CTNNB1: variants seen among roughly 807,000 people sequenced by gnomAD.
CTNNB1 encodes the protein catenin beta-1.
Under a neutral mutation model 82.5 loss-of-function variants are expected in CTNNB1, and 6 were observed. The ratio of observed to expected loss-of-function variants is 0.07; its 90% confidence interval spans 0.04 to 0.14. The LOEUF (loss-of-function observed/expected upper bound fraction) is 0.14, where lower values mean the gene tolerates loss of function less well. CTNNB1 is among the 10% of genes least tolerant of loss of function. The probability of loss-of-function intolerance (pLI) is 1.00; values close to 1 mark genes in which losing one functional copy is unlikely to be tolerated. For synonymous variants in CTNNB1, 312 were observed against 329.7 expected (o/e 0.95, Z 0.58); for missense variants, 529 against 980.4 (o/e 0.54, Z 6.15).
At chr3:41,211,320 C>T (rs2077780641) in intron 1 of CTNNB1, among the ~76,000 whole-genome samples, 1 of 152,126 alleles carries the variant, frequency 6.6e-6, no homozygotes, top group African/African-American at 2.4e-5. Flanking sequence ...TCTTCATATC[C>T]AAAAATATTA....
rs1216259171 is a variant in CTNNB1, at chr3:41,227,115, T to C, written c.937-93T>C. On this transcript the variant is annotated intron_variant, in intron 6 of 14. Transcript: ENST00000349496. ...GGTCCAATGGCAAGCTGGCTGAAAT[T>C]CTTGTATAATAAAATAGGTTGGTAA... 4 of 1,130,174 alleles carry C rather than the reference T, an allele frequency of 3.5e-6. No individual in the cohort carries two copies. The East Asian group carries it at 7.1e-5, about 20-fold the overall frequency. The allele number at this position is 1,130,174 out of a possible 1,614,324, so 70.0% of individuals were successfully genotyped here.
At chr3:41,209,664 T>G (rs1420101098) in intron 1 of CTNNB1, among the ~76,000 whole-genome samples, 1 of 152,212 alleles carries the variant, frequency 6.6e-6, no homozygotes, top group Non-Finnish European at 1.5e-5. Context: ...GGCTATATGG[T>G]GTGGCCAATT....
chr3:41,233,447 A>G lies in CTNNB1; in HGVS notation c.1185+3A>G, dbSNP rs772630556. The G allele has an allele frequency of 3.7e-6, 6 of 1,614,166 alleles. No individual in the cohort carries two copies. The highest frequency in any genetic ancestry group is 5.1e-6 in the Non-Finnish European group (6 of 1,179,986). ...TTTCAGATGCTGCAACTAAACAGGTAAATTCTGAGTAAACTGGTGCCATGG... is the reference window on the plus strand; with the variant it reads ...TTTCAGATGCTGCAACTAAACAGGTGAATTCTGAGTAAACTGGTGCCATGG... On this transcript the variant is annotated splice_donor_region_variant and intron_variant, in intron 8 of 14. Transcript: ENST00000349496.
At position 41,239,583 on chromosome 3, in the gene CTNNB1, G is replaced by T; in HGVS notation, c.*241G>T. On this transcript the variant is annotated 3_prime_UTR_variant, in exon 15 of 15. Coordinates refer to ENST00000349496, the MANE Select transcript of CTNNB1 (RefSeq NM_001904.4). Reference sequence around the variant, plus strand: ...ATTAACTTTAATGTTTTTTGCCACAGCTTTTGCAACTTAATACTCAAATGA... The same window carrying T: ...ATTAACTTTAATGTTTTTTGCCACATCTTTTGCAACTTAATACTCAAATGA... The T allele has an allele frequency of 1.8e-6, 1 of 554,598 alleles. No individual in the cohort carries two copies. Among genetic ancestry groups the T allele is most frequent in the Non-Finnish European group, 3.2e-6 (1 of 308,400 alleles). 34.4% of individuals were successfully genotyped at this position (554,598 alleles called of 1,614,324 possible). A position where few individuals can be genotyped will look rare whatever the true frequency, so the allele number is the denominator to read the frequency against.
chr3:41,209,025 A>G (rs952575346), intron 1 of CTNNB1, among the ~76,000 whole-genome samples: 3 of 152,184 alleles, frequency 2.0e-5, no homozygotes, highest in African/African-American at 7.2e-5. Context: ...TGTAGTTGTC[A>G]TCTCACTTAA....
intron 1 of CTNNB1, among the ~76,000 whole-genome samples, chr3:41,222,599 A>C (rs2078074965): frequency 6.6e-6 from 1 of 152,256 alleles, no homozygotes; most frequent in Admixed American, 6.5e-5. Context: ...AAATGAAATC[A>C]TTATAAATTG....
intron 1 of CTNNB1, among the ~76,000 whole-genome samples, chr3:41,217,272 C>G (rs1439062504): frequency 6.6e-6 from 1 of 152,174 alleles, no homozygotes; most frequent in African/African-American, 2.4e-5. Flanking sequence ...TGACCACCCA[C>G]TAGAGTAGCA....
chr3:41,226,293 C>T (rs1432000754), intron 6 of CTNNB1, among the ~76,000 whole-genome samples: 1 of 152,206 alleles, frequency 6.6e-6, no homozygotes, highest in Non-Finnish European at 1.5e-5. Context: ...GCAAGCTTCT[C>T]TTCACACTTT....
intron 1 of CTNNB1, among the ~76,000 whole-genome samples, chr3:41,202,339 G>A (rs931195622): frequency 3.9e-5 from 6 of 152,116 alleles, no homozygotes; most frequent in African/African-American, 1.4e-4. Flanking sequence ...CTGCCAACCC[G>A]GGGCACAAAG....
intron 1 of CTNNB1, among the ~76,000 whole-genome samples, chr3:41,207,729 T>C (rs992527685): frequency 6.6e-6 from 1 of 152,254 alleles, no homozygotes; most frequent in Non-Finnish European, 1.5e-5. Context: ...TTGTAACTTC[T>C]GGAACTCAGT....
At position 41,239,129 on chromosome 3, in the gene CTNNB1, T is replaced by C; in HGVS notation, c.2138-5T>C. Reference sequence around the variant, plus strand: ...CCTATTTTGTTGACACCCTGACTCTTCTAGATCCTAGCTATCGTTCTTTTC... The same window carrying C: ...CCTATTTTGTTGACACCCTGACTCTCCTAGATCCTAGCTATCGTTCTTTTC... On this transcript the variant is annotated splice_region_variant and splice_polypyrimidine_tract_variant and intron_variant, in intron 14 of 14. Coordinates refer to ENST00000349496, the MANE Select transcript of CTNNB1 (RefSeq NM_001904.4). 1 of 1,613,444 alleles carries C rather than the reference T, an allele frequency of 6.2e-7. No individual in the cohort carries two copies. The highest frequency in any genetic ancestry group is 8.5e-7 in the Non-Finnish European group (1 of 1,179,608).
chr3:41,206,419 ATG>A (rs2077650382), intron 1 of CTNNB1, among the ~76,000 whole-genome samples: 1 of 152,100 alleles, frequency 6.6e-6, no homozygotes, highest in Non-Finnish European at 1.5e-5. Context: ...ATGCATATAT[ATG>A]TGCATATATA....
At position 41,233,526 on chromosome 3, in the gene CTNNB1, T is replaced by A. The variant is rs1212452748; in HGVS notation, c.1186-3T>A. 4 of 1,613,972 alleles carry A rather than the reference T, an allele frequency of 2.5e-6. No homozygotes were observed. In the East Asian group the frequency reaches 8.9e-5, roughly 36 times the overall value. On this transcript the variant is annotated splice_region_variant and splice_polypyrimidine_tract_variant and intron_variant, in intron 8 of 14. Transcript: ENST00000349496. ...TACTGACCATCTGTTTTTATCTCCA[T>A]AGGAAGGGATGGAAGGTCTCCTTGG...
rs72273140 is a variant in CTNNB1 at position 41,240,125 on chromosome 3, CTAAT to C, written c.*789_*792del. The C allele has an allele frequency of 0.01, 2,015 of 199,426 alleles. 38 individuals carry two copies. Among genetic ancestry groups the C allele is most frequent in the African/African-American group, 0.039 (1,697 of 43,162 alleles). 12.4% of individuals were successfully genotyped at this position (199,426 alleles called of 1,614,324 possible). On this transcript the variant is annotated 3_prime_UTR_variant, in exon 15 of 15. Transcript: ENST00000349496. ...TGTAGAACACTAATTCATAATCACTCTAATTAATTGTAATCTGAATAAAGTGTAA... is the reference window on the plus strand; with the variant it reads ...TGTAGAACACTAATTCATAATCACTCTAATTGTAATCTGAATAAAGTGTAA...
intron 1 of CTNNB1, among the ~76,000 whole-genome samples, chr3:41,220,311 G>A (rs1458983858): frequency 2.0e-5 from 3 of 151,848 alleles, no homozygotes; most frequent in African/African-American, 7.3e-5. Context: ...GTGTTTGGAG[G>A]ACCAAGGGTC....
chr3:41,235,688 G>A, intron 10 of CTNNB1, 36 bp from the exon 11 acceptor site: 1 of 1,613,918 alleles, frequency 6.2e-7, no homozygotes, highest in Non-Finnish European at 8.5e-7. Context: ...TTACAGAGGA[G>A]AATGCCCTGT....
At chr3:41,210,445 A>T (rs758785721) in intron 1 of CTNNB1, among the ~76,000 whole-genome samples, 36 of 151,696 alleles carry the variant, frequency 2.4e-4, no homozygotes, top group Non-Finnish European at 4.4e-4. Context: ...CAGAGCGGAA[A>T]CTCCGTCTCA....
At chr3:41,231,079 G>A (rs1559472605) in intron 7 of CTNNB1, among the ~76,000 whole-genome samples, 1 of 152,182 alleles carries the variant, frequency 6.6e-6, no homozygotes, top group Admixed American at 6.5e-5. Context: ...TGTAATTCCA[G>A]CACTTTGGGA....
At chr3:41,232,880 T>A (rs2078343205) in intron 7 of CTNNB1, among the ~76,000 whole-genome samples, 1 of 152,200 alleles carries the variant, frequency 6.6e-6, no homozygotes, top group Non-Finnish European at 1.5e-5. Context: ...TTTAATATCA[T>A]CTGACATACT....
Sources: gnomAD v4.1 joint callset for allele counts (sites outside exome capture counted in the v4.1 genomes callset) on GRCh38, gnomAD v4.1.1 for gene constraint, MANE v1.5 for transcripts, NCBI Gene and HGNC (gene_info 2026-07-23, HGNC 2026-07-21) for gene names.